The following DNAAF9 variants were observed in gnomAD, a reference collection of about 807,000 sequenced individuals.
The protein encoded by DNAAF9 is dynein axonemal assembly factor 9.
Under a neutral mutation model 167.0 loss-of-function variants are expected in DNAAF9, and 90 were observed. The ratio of observed to expected loss-of-function variants is 0.54; its 90% CI spans 0.45 to 0.64. The LOEUF is 0.64. Ranked by LOEUF, DNAAF9 falls within the 30% of genes least tolerant of loss-of-function variation. The pLI is 0.00. For missense variants in DNAAF9, 1,315 were observed against 1,442.2 expected (o/e 0.91, Z 1.43); for synonymous variants, 491 against 508.8 (o/e 0.96, Z 0.47).
intron 25 of DNAAF9, 37 bp downstream of exon 25, chr20:3,294,102 C>T: frequency 1.7e-6 from 2 of 1,143,544 alleles, no homozygotes; most frequent in South Asian, 1.2e-5. Flanking sequence ...AGATCATCTT[C>T]CTGTGAATTC....
intron 20 of DNAAF9, among the ~76,000 whole-genome samples, chr20:3,306,579 T>C (rs2069298865): frequency 5.3e-5 from 8 of 152,168 alleles, no homozygotes; most frequent in Admixed American, 5.2e-4. Flanking sequence ...CAGCATTACT[T>C]GGTGGTGGAG....
chr20:3,381,565 C>A (rs2083654560), intron 2 of DNAAF9, 67 bp from the exon 3 acceptor site: 1 of 1,527,734 alleles, frequency 6.5e-7, no homozygotes, highest in Non-Finnish European at 8.8e-7. Context: ...CAATAATTTG[C>A]CCCTGCTTAG....
chr20:3,284,251 G>T (rs1471079083), intron 27 of DNAAF9, among the ~76,000 whole-genome samples: 1 of 145,424 alleles, frequency 6.9e-6, no homozygotes, highest in Non-Finnish European at 1.5e-5. Flanking sequence ...CAGGGTCACA[G>T]CTCACAGTAA....
At chr20:3,383,271 CTTT>C (rs11087581) in intron 1 of DNAAF9, among the ~76,000 whole-genome samples, 2 of 114,386 alleles carry the variant, frequency 1.7e-5, no homozygotes, top group Admixed American at 9.7e-5. Context: ...TTCCCTAACA[CTTT>C]TTTTTTTTTT....
chr20:3,255,122 CA>C, intron 35 of DNAAF9, 96 bp downstream of exon 35: 3 of 730,352 alleles, frequency 4.1e-6, no homozygotes, highest in Non-Finnish European at 7.1e-6. Context: ...GCATGTCCTA[CA>C]AACAGCTCCT....
chr20:3,268,336 CTT>C (rs1198893527), intron 30 of DNAAF9, among the ~76,000 whole-genome samples: 2 of 136,592 alleles, frequency 1.5e-5, no homozygotes, highest in Non-Finnish European at 1.6e-5. Flanking sequence ...TGCCCGGCCC[CTT>C]TTTTTTTTTG....
chr20:3,385,720 G>A (rs1412007836), intron 1 of DNAAF9, among the ~76,000 whole-genome samples: 1 of 152,022 alleles, frequency 6.6e-6, no homozygotes, highest in Non-Finnish European at 1.5e-5. Flanking sequence ...TAACTTTATA[G>A]AAAACCAAAA....
intron 33 of DNAAF9, among the ~76,000 whole-genome samples, chr20:3,257,174 A>C (rs141025298): frequency 6.6e-6 from 1 of 152,248 alleles, no homozygotes; most frequent in Non-Finnish European, 1.5e-5. Context: ...ATCCGGAAAA[A>C]AGCGAGGTTA....
rs143195473 is a variant in DNAAF9, at chr20:3,364,106, G to C, written c.613-4513C>G. Among the ~76,000 whole-genome samples, 638 of 152,028 alleles carry C rather than the reference G, an allele frequency of 4.2e-3. 3 individuals carry two copies. Among genetic ancestry groups the C allele is most frequent in the African/African-American group, 0.015 (606 of 41,486 alleles). ...CACATGGCACTGCGCCCAGCTTTGGGTCCTTTTTTTGTATCTTCTATGGCT... is the reference window on the plus strand; with the variant it reads ...CACATGGCACTGCGCCCAGCTTTGGCTCCTTTTTTTGTATCTTCTATGGCT... On this transcript the variant is annotated intron_variant, in intron 6 of 36. Transcript: ENST00000252032.
At chr20:3,348,731 T>C in intron 7 of DNAAF9, 108 bp from the exon 8 acceptor site, 1 of 589,296 alleles carries the variant, frequency 1.7e-6, no homozygotes, top group East Asian at 2.8e-5. Context: ...ACCATTTATA[T>C]ATGTTATTTT....
At chr20:3,332,903 GT>G (rs1426615928) in intron 10 of DNAAF9, among the ~76,000 whole-genome samples, 9 of 115,180 alleles carry the variant, frequency 7.8e-5, no homozygotes, top group African/African-American at 3.7e-4. Context: ...TGCGTGTGGT[GT>G]GTGTGTGTGT....
chr20:3,398,729 CTT>C (rs1260106206), intron 1 of DNAAF9, among the ~76,000 whole-genome samples: 4 of 152,178 alleles, frequency 2.6e-5, no homozygotes, highest in Non-Finnish European at 1.5e-5. Flanking sequence ...TTAATCTAGA[CTT>C]TCGGTGCTGA....
chr20:3,379,082 A>G (rs1301512347), intron 3 of DNAAF9, among the ~76,000 whole-genome samples: 2 of 151,854 alleles, frequency 1.3e-5, no homozygotes, highest in Non-Finnish European at 2.9e-5. Context: ...AGAGTTGGCT[A>G]TTACCTGAAG....
In DNAAF9 at chr20:3,381,482, G is replaced by A. The variant is rs376454690; in HGVS notation, c.180C>T (p.Tyr60=). The change falls in exon 3 of 37, where the codon TAC becomes TAT. Residue 60 remains tyrosine, a synonymous_variant. Transcript: ENST00000252032. ...TTGCCAGCTCTCTGCAGCCTTCATT[G>A]TACCTGCTATCGATTCCTGCAAGGC... is the stretch of plus-strand genomic sequence containing the variant. ...ILCILGIDSR[Y]NEGCRELANY... is the part of the protein sequence containing the mutation. 5.0e-6 allele frequency: 8 copies of A among 1,613,526 alleles called. No individual in the cohort carries two copies. The highest frequency in any genetic ancestry group is 6.8e-6 in the Non-Finnish European group (8 of 1,179,848).
At chr20:3,260,232 G>A (rs1003829279) in intron 31 of DNAAF9, among the ~76,000 whole-genome samples, 1 of 151,878 alleles carries the variant, frequency 6.6e-6, no homozygotes, top group Non-Finnish European at 1.5e-5. Context: ...CCAGCTACTC[G>A]GGAGGCTGAG....
intron 3 of DNAAF9, among the ~76,000 whole-genome samples, 196 bp downstream of exon 3, chr20:3,381,183 A>G (rs1192372871): frequency 6.6e-6 from 1 of 152,206 alleles, no homozygotes; most frequent in Non-Finnish European, 1.5e-5. Flanking sequence ...TAGTAAATAT[A>G]CTCTGAAAAC....
chr20:3,291,337 G>GTTTT (rs1221157879), intron 25 of DNAAF9, among the ~76,000 whole-genome samples: 1 of 148,658 alleles, frequency 6.7e-6, no homozygotes, highest in African/African-American at 2.5e-5. Context: ...GCCTCTGTAA[G>GTTTT]TTTTTTTGTT....
intron 6 of DNAAF9, among the ~76,000 whole-genome samples, chr20:3,368,251 T>C (rs2083456559): frequency 6.6e-6 from 1 of 152,192 alleles, no homozygotes; most frequent in Non-Finnish European, 1.5e-5. Flanking sequence ...GGGCACCACC[T>C]GGATCCTCTC....
At chr20:3,370,450 G>A (rs181163381) in intron 6 of DNAAF9, among the ~76,000 whole-genome samples, 2,252 of 137,360 alleles carry the variant, frequency 0.016, 65 homozygotes, top group African/African-American at 0.062. Context: ...TCACACTGTC[G>A]TCCAGCTGGA....
Sources: allele counts gnomAD v4.1 joint callset (sites outside exome capture counted in the v4.1 genomes callset), GRCh38; gene constraint gnomAD v4.1.1; transcripts MANE v1.5; gene names NCBI Gene and HGNC (gene_info 2026-07-23, HGNC 2026-07-21).